ARSG: variants seen among roughly 807,000 people sequenced by gnomAD.
ARSG encodes the protein ASG.
ARSG carries 37 observed loss-of-function variants against 50.5 expected under a neutral mutation model. The observed-to-expected ratio is 0.73, with a 90% CI of 0.56 to 0.96. ARSG has a LOEUF of 0.96. Among genes scored for constraint, ARSG ranks in the 50% least tolerant of loss-of-function variants. The pLI is 0.00. For synonymous variants in ARSG, 225 were observed against 254.6 expected (o/e 0.88, Z 1.11); for missense variants, 629 against 675.3 (o/e 0.93, Z 0.76).
chr17:68,368,823 G>A (rs1311858556), intron 7 of ARSG, 79 bp downstream of exon 7: 1 of 1,483,778 alleles, frequency 6.7e-7, no homozygotes, highest in Non-Finnish European at 9.2e-7. Flanking sequence ...GCAGAGTCTG[G>A]CCCCGTGATC....
downstream of ARSG, chr17:68,421,933 G>A (rs182658502): frequency 2.4e-5 from 34 of 1,417,596 alleles, no homozygotes; most frequent in Admixed American, 5.8e-4. Context: ...GCTGGGCACT[G>A]TGGAATTTTT....
Position 68,302,053 on chromosome 17 carries a change from C to G in ARSG, c.-551-4890C>G, listed in dbSNP as rs74781325. Among the ~76,000 whole-genome samples, 322 of 152,244 alleles carry G rather than the reference C, an allele frequency of 2.1e-3. 14 individuals are homozygous for G. The East Asian group carries it at 0.051, about 24-fold the overall frequency. ...AAAGTAAGTGGTGTGAGGGCAGGGA[C>G]TTTTGTCTGTTTCATTTACGGCTGT... On this transcript the variant is annotated intron_variant, in intron 1 of 11. Transcript: ENST00000621439.
At position 68,378,836 on chromosome 17, in the gene ARSG, T is replaced by C. The variant is rs141087804; in HGVS notation, c.983-6228T>C. Among the ~76,000 whole-genome samples the C allele has an allele frequency of 1.3e-5, 2 of 151,372 alleles. No homozygotes were observed. The highest frequency in any genetic ancestry group is 4.8e-5 in the African/African-American group (2 of 41,306). The stretch of plus-strand genomic sequence containing the variant: ...TGGCATCCAGGCTCCTAGGAGACCT[T>C]GGTTGTTTGTAATTTGATGCTATCA... On this transcript the variant is annotated intron_variant, in intron 8 of 11. Coordinates refer to ENST00000621439, the MANE Select transcript of ARSG (RefSeq NM_001267727.2). The surrounding 1 kb of genome is among the most constrained non-coding windows in gnomAD (Gnocchi z 4.4).
intron 2 of ARSG, among the ~76,000 whole-genome samples, chr17:68,312,199 A>T (rs2145686604): frequency 6.6e-6 from 1 of 152,242 alleles, no homozygotes; most frequent in East Asian, 1.9e-4. Context: ...AGGAAGAAAA[A>T]TGCCTCATCT....
chr17:68,367,038 G>A lies in ARSG; in HGVS notation c.705-1510G>A, dbSNP rs2079580836. On this transcript the variant is annotated intron_variant, in intron 6 of 11. Coordinates refer to ENST00000621439, the MANE Select transcript of ARSG (RefSeq NM_001267727.2). This position sits in a 1 kb window ranked among gnomAD's most constrained non-coding sequence, Gnocchi z 4.5. Reference sequence around the variant, plus strand: ...TATTTCACTTAGCATAATATTTTCCGGGTCCACCCATGTGCTAGCGTGTGG... The same window carrying A: ...TATTTCACTTAGCATAATATTTTCCAGGTCCACCCATGTGCTAGCGTGTGG... 6.6e-6 allele frequency among the ~76,000 whole-genome samples: 1 copy of A among 151,980 alleles called. No homozygotes were observed. The highest frequency in any genetic ancestry group is 2.1e-4 in the South Asian group (1 of 4,818).
chr17:68,323,112 AT>A (rs140032466), intron 2 of ARSG, among the ~76,000 whole-genome samples: 14 of 149,238 alleles, frequency 9.4e-5, no homozygotes, highest in East Asian at 5.9e-4. Flanking sequence ...AGAACTGGTT[AT>A]TTTTTTTTTG....
At chr17:68,443,621 C>T in the ARSG span, among the ~76,000 whole-genome samples, 1 of 152,096 alleles carries the variant, frequency 6.6e-6, no homozygotes, top group African/African-American at 2.4e-5. Context: ...ATAAGGGAAC[C>T]AAGGTTCAAA....
intron 1 of ARSG, chr17:68,272,577 C>G: frequency 6.3e-7 from 1 of 1,583,850 alleles, no homozygotes; most frequent in Non-Finnish European, 8.6e-7. Context: ...GTTAGCGTAG[C>G]AAGAATACCT....
At chr17:68,293,374 T>C (rs914286979) in intron 1 of ARSG, among the ~76,000 whole-genome samples, 1 of 152,068 alleles carries the variant, frequency 6.6e-6, no homozygotes. Flanking sequence ...TGTACTTCAG[T>C]CTCTTGATTT....
At chr17:68,343,233 C>T (rs1181982741) in intron 2 of ARSG, among the ~76,000 whole-genome samples, 3 of 152,096 alleles carry the variant, frequency 2.0e-5, no homozygotes, top group Non-Finnish European at 2.9e-5. Context: ...CTTGGCTCTC[C>T]GCAACCTCCG....
chr17:68,336,530 G>C (rs1443189221), intron 2 of ARSG, among the ~76,000 whole-genome samples: 3 of 151,974 alleles, frequency 2.0e-5, no homozygotes, highest in Non-Finnish European at 4.4e-5. Flanking sequence ...TTTTCAGTAA[G>C]GGATTAGTGT....
chr17:68,364,871 G>A (rs2079470124), intron 6 of ARSG, among the ~76,000 whole-genome samples: 1 of 152,254 alleles, frequency 6.6e-6, no homozygotes, highest in Admixed American at 6.5e-5. Flanking sequence ...GTGGCTTGCG[G>A]GACAGATGCC....
chr17:68,434,706 T>C, the ARSG span: 43 of 1,477,054 alleles, frequency 2.9e-5, no homozygotes, highest in African/African-American at 3.9e-4. Context: ...GAGTTTGTTT[T>C]ATTGGTTTTG....
intron 8 of ARSG, among the ~76,000 whole-genome samples, chr17:68,380,683 G>A (rs533045036): frequency 2.6e-5 from 4 of 152,146 alleles, no homozygotes; most frequent in South Asian, 4.2e-4. Context: ...TTATTGGTAC[G>A]GCTTCCTGGT....
the ARSG span, among the ~76,000 whole-genome samples, chr17:68,429,188 G>A: frequency 1.3e-5 from 2 of 152,130 alleles, no homozygotes; most frequent in East Asian, 1.9e-4. Context: ...GCGACCCTGC[G>A]AGAAGCAATA....
upstream of ARSG, among the ~76,000 whole-genome samples, chr17:68,287,327 T>C (rs2075864195): frequency 6.6e-6 from 1 of 151,624 alleles, no homozygotes. Flanking sequence ...TTCTTCTTCT[T>C]CTTTTTTTTT....
chr17:68,422,133 A>C, downstream of ARSG: 1 of 297,848 alleles, frequency 3.4e-6, no homozygotes, highest in East Asian at 6.3e-5. Context: ...ATCACTATTA[A>C]AAAGTCAGTT....
chr17:68,374,157 CAAA>C (rs758829709), intron 8 of ARSG, among the ~76,000 whole-genome samples: 2 of 60,516 alleles, frequency 3.3e-5, no homozygotes, highest in African/African-American at 5.8e-5. Flanking sequence ...ACTCTGTCTC[CAAA>C]AAAAAAAAAA....
intron 11 of ARSG, among the ~76,000 whole-genome samples, chr17:68,419,040 C>T (rs1046182128): frequency 2.7e-5 from 4 of 146,910 alleles, no homozygotes; most frequent in Admixed American, 6.8e-5. Flanking sequence ...AAAAAGTCAT[C>T]GGAATCATAA....
Sources: allele counts gnomAD v4.1 joint callset (sites outside exome capture counted in the v4.1 genomes callset), GRCh38; gene constraint gnomAD v4.1.1; non-coding constraint Gnocchi (gnomAD v3.1); transcripts MANE v1.5; gene names NCBI Gene and HGNC (gene_info 2026-07-23, HGNC 2026-07-21).